Variants in CELA2B observed in about 807,000 individuals in gnomAD.
CELA2B encodes chymotrypsin like elastase 2B.
CELA2B carries 27 observed loss-of-function variants against 36.5 expected under a neutral mutation model. The ratio of observed to expected loss-of-function variants is 0.74; its 90% CI spans 0.55 to 1.02. The LOEUF (loss-of-function observed/expected upper bound fraction) is 1.02, where lower values mean the gene tolerates loss of function less well. CELA2B is among the 50% of genes least tolerant of loss of function. The pLI, the probability that CELA2B is intolerant of heterozygous loss-of-function variation, is 0.00. For missense variants in CELA2B, 340 were observed against 347.8 expected, an observed-to-expected ratio of 0.98 and a Z score of 0.18; for synonymous variants, 143 against 148.5, an observed-to-expected ratio of 0.96 and a Z score of 0.27.
At chr1:15,483,916 G>A (rs1205414826) in intron 5 of CELA2B, among the ~76,000 whole-genome samples, 4 of 147,512 alleles carry the variant, frequency 2.7e-5, no homozygotes, top group African/African-American at 7.7e-5. Context: ...GGGATAGAGC[G>A]AGACTCCATC....
chr1:15,480,982 C>A, intron 2 of CELA2B, 116 bp from the exon 3 acceptor site: 1 of 1,082,698 alleles, frequency 9.2e-7, no homozygotes, highest in Non-Finnish European at 1.4e-6. Context: ...AAGTTGTGTA[C>A]CTGAGGTGAG....
rs764448810 is a variant in CELA2B, at chr1:15,482,398, G to A, written c.356+5G>A. On this transcript the variant is annotated splice_donor_5th_base_variant and intron_variant, in intron 4 of 7. Transcript: ENST00000375910. ...CTCCGACCAGGTCTCCAAAGGGTTC[G>A]TTTCTATCTGGGTGCACTTGGGGGT... 7.4e-6 allele frequency: 12 copies of A among 1,613,808 alleles called. No individual in the cohort carries two copies. Among genetic ancestry groups the A allele is most frequent in the South Asian group, 5.5e-5 (5 of 91,074 alleles).
chr1:15,486,279 G>A (rs1046907891), intron 6 of CELA2B, among the ~76,000 whole-genome samples: 11 of 152,112 alleles, frequency 7.2e-5, no homozygotes, highest in Non-Finnish European at 1.3e-4. Context: ...TCAGCAGTTC[G>A]AGACCAGCCT....
chr1:15,481,174 T>C lies in CELA2B; in HGVS notation c.206T>C (p.Leu69Pro). 7 of 1,614,182 alleles carry C rather than the reference T, an allele frequency of 4.3e-6. No homozygotes were observed. The highest frequency in any genetic ancestry group is 5.1e-6 in the Non-Finnish European group (6 of 1,180,032). Residue 69 changes from leucine (L) to proline (P), a missense_variant, in exon 3 of 8, where the codon CTG becomes CCG. Leu to Pro is a moderately conservative substitution (Grantham distance 98, BLOSUM62 -3). Transcript: ENST00000375910. Reference sequence around the variant, plus strand: ...TCCCTGATAGCCAACAGCTGGGTCCTGACGGCTGCCCACTGCATCAGGTAA... The same window carrying C: ...TCCCTGATAGCCAACAGCTGGGTCCCGACGGCTGCCCACTGCATCAGGTAA... ...GGSLIANSWV[L>P]TAAHCISSSG...
rs1354984771 is a variant in CELA2B at position 15,482,305 on chromosome 1, C to T, written c.268C>T (p.Leu90Phe). The T allele has an allele frequency of 6.2e-7, 1 of 1,614,128 alleles. No homozygotes were observed. The highest frequency in any genetic ancestry group is 1.3e-5 in the African/African-American group (1 of 75,048). Residue 90 changes from leucine (L) to phenylalanine (F), a missense_variant, in exon 4 of 8, where the codon CTC becomes TTC. Physicochemically the swap from Leu to Phe is conservative, Grantham distance 22. Transcript: ENST00000375910. Reference sequence around the variant, plus strand: ...CCGCGTGATGCTGGGCCAGCATAACCTCTACGTTGCAGAGTCCGGCTCGCT... The same window carrying T: ...CCGCGTGATGCTGGGCCAGCATAACTTCTACGTTGCAGAGTCCGGCTCGCT... Reference protein sequence around the residue: ...IYRVMLGQHNLYVAESGSLAV... With the variant: ...IYRVMLGQHNFYVAESGSLAV...
chr1:15,485,868 C>A (rs41270253), intron 5 of CELA2B, 33 bp from the exon 6 acceptor site: 8 of 1,611,374 alleles, frequency 5.0e-6, no homozygotes, highest in East Asian at 4.5e-5. Context: ...GGAGTCCCTG[C>A]GTCCCTAATG....
At chr1:15,488,672 C>G (rs1248631926) in intron 7 of CELA2B, among the ~76,000 whole-genome samples, 1 of 152,174 alleles carries the variant, frequency 6.6e-6, no homozygotes, top group East Asian at 1.9e-4. Flanking sequence ...CGTGGCAGAG[C>G]CCCCAAAGAA....
intron 5 of CELA2B, 61 bp downstream of exon 5, chr1:15,483,461 C>G: frequency 1.2e-6 from 2 of 1,609,766 alleles, no homozygotes; most frequent in South Asian, 1.1e-5. Context: ...CACCCCTGTC[C>G]GGCCAGGGCC....
At chr1:15,488,414 T>A (rs1004669077) in intron 7 of CELA2B, among the ~76,000 whole-genome samples, 5 of 152,020 alleles carry the variant, frequency 3.3e-5, no homozygotes, top group Admixed American at 6.5e-5. Context: ...ATAGTTGGCA[T>A]AAATATTAAG....
rs3737703 is a variant in CELA2B, at chr1:15,487,348, G to A, written c.703G>A (p.Gly235Ser). ...CGGCCGGTGGGAGGTGCATGGCATCGGCAGCCTCACGTCGGTCCTTGGTTG... is the reference window on the plus strand; with the variant it reads ...CGGCCGGTGGGAGGTGCATGGCATCAGCAGCCTCACGTCGGTCCTTGGTTG... ...SDGRWEVHGI[G>S]SLTSVLGCNY... The change falls in exon 7 of 8, where the codon GGC becomes AGC. Residue 235 changes from glycine to serine, a missense_variant. Gly to Ser is a moderately conservative substitution (Grantham distance 56). Coordinates refer to ENST00000375910, the MANE Select transcript of CELA2B (RefSeq NM_015849.3). 2.5e-3 allele frequency: 3,986 copies of A among 1,614,182 alleles called. 79 individuals carry two copies. The Admixed American group carries it at 0.039, about 16-fold the overall frequency.
chr1:15,476,921 G>C (rs1369372881), intron 2 of CELA2B, among the ~76,000 whole-genome samples: 1 of 152,154 alleles, frequency 6.6e-6, no homozygotes, highest in African/African-American at 2.4e-5. Context: ...GGCAGAAGTT[G>C]TAGTGAGCTG....
intron 2 of CELA2B, among the ~76,000 whole-genome samples, chr1:15,478,495 G>A (rs1338371658): frequency 1.3e-5 from 2 of 151,412 alleles, no homozygotes; most frequent in African/African-American, 2.4e-5. Flanking sequence ...CACCTGCCTC[G>A]GCCTCCCAAA....
intron 7 of CELA2B, among the ~76,000 whole-genome samples, chr1:15,487,766 TA>T (rs1381289138): frequency 6.6e-6 from 1 of 152,238 alleles, no homozygotes; most frequent in East Asian, 1.9e-4. Flanking sequence ...CATCCAGTGC[TA>T]TAAATGGGTA....
intron 2 of CELA2B, among the ~76,000 whole-genome samples, chr1:15,479,807 A>T (rs1395524892): frequency 1.3e-5 from 2 of 152,142 alleles, no homozygotes; most frequent in African/African-American, 4.8e-5. Context: ...CTACGCCGAT[A>T]TTTGCAAGAA....
chr1:15,485,119 C>A (rs1708789160), intron 5 of CELA2B, among the ~76,000 whole-genome samples: 1 of 152,204 alleles, frequency 6.6e-6, no homozygotes, highest in Admixed American at 6.5e-5. Flanking sequence ...TGGTCTCGAA[C>A]TCCTGACCTC....
chr1:15,487,211 G>A (rs1423275216), intron 6 of CELA2B, 74 bp from the exon 7 acceptor site: 1 of 1,367,474 alleles, frequency 7.3e-7, no homozygotes, highest in African/African-American at 1.4e-5. Flanking sequence ...CAATAGAAAT[G>A]CATTGAGAAC....
At chr1:15,483,861 G>A (rs752817090) in intron 5 of CELA2B, among the ~76,000 whole-genome samples, 2 of 151,906 alleles carry the variant, frequency 1.3e-5, no homozygotes, top group Non-Finnish European at 2.9e-5. Flanking sequence ...TCTAGGAGGC[G>A]GAGGTTGCAG....
chr1:15,483,309 C>T lies in CELA2B; in HGVS notation c.402C>T (p.Thr134=), dbSNP rs938903556. Residue 134 remains threonine, a synonymous_variant, in exon 5 of 8, where the codon ACC becomes ACT. Transcript: ENST00000375910. The part of the protein sequence containing the change: ...LLKLANPVSL[T]DKIQLACLPP... ...AACTGGCTAACCCCGTCTCCCTCAC[C>T]GACAAGATCCAGCTGGCCTGCCTCC... The T allele has an allele frequency of 7.4e-6, 12 of 1,614,016 alleles. No individual in the cohort carries two copies. The highest frequency in any genetic ancestry group is 3.3e-5 in the Admixed American group (2 of 60,022).
intron 5 of CELA2B, among the ~76,000 whole-genome samples, chr1:15,484,600 CTTA>C (rs766672354): frequency 6.6e-6 from 1 of 152,136 alleles, no homozygotes; most frequent in African/African-American, 2.4e-5. Flanking sequence ...GCATTTCATG[CTTA>C]TTAAGATACA....
Sources: gnomAD v4.1 joint callset for allele counts (sites outside exome capture counted in the v4.1 genomes callset) on GRCh38, gnomAD v4.1.1 for gene constraint, MANE v1.5 for transcripts, NCBI Gene and HGNC (gene_info 2026-07-23, HGNC 2026-07-21) for gene names.